Variants in SLC35F4 observed in about 807,000 individuals in gnomAD.
The protein encoded by SLC35F4 is solute carrier family 35 member F4, also known as chromosome 14 open reading frame 36.
Under a neutral mutation model 44.2 loss-of-function variants are expected in SLC35F4, and 24 were observed. The observed-to-expected ratio is 0.54, with a 90% CI of 0.39 to 0.76. The LOEUF (loss-of-function observed/expected upper bound fraction) is 0.76. Ranked by LOEUF, SLC35F4 falls within the 30% of genes least tolerant of loss-of-function variation. SLC35F4 has a pLI of 0.00. For missense variants in SLC35F4, 562 were observed against 586.1 expected (o/e 0.96, Z 0.42); for synonymous variants, 238 against 223.6 (o/e 1.06, Z -0.57).
intron 3 of SLC35F4, among the ~76,000 whole-genome samples, chr14:57,589,006 A>T (rs2069979993): frequency 6.6e-6 from 1 of 152,210 alleles, no homozygotes; most frequent in African/African-American, 2.4e-5. Context: ...TAAGTTATGC[A>T]AAAGCACCAG....
intron 1 of SLC35F4, among the ~76,000 whole-genome samples, chr14:57,598,869 G>A (rs1247916291): frequency 2.1e-5 from 3 of 143,604 alleles, no homozygotes; most frequent in East Asian, 4.0e-4. Flanking sequence ...CAATTAACAC[G>A]ATCTAGGGAA....
At chr14:57,909,829 A>G (rs1317932866) in intron 1 of SLC35F4, among the ~76,000 whole-genome samples, 1 of 152,118 alleles carries the variant, frequency 6.6e-6, no homozygotes, top group East Asian at 1.9e-4. Context: ...ATTTTGGGTA[A>G]ACACCAAGAA....
chr14:57,765,708 A>T (rs1014526343), intron 1 of SLC35F4, among the ~76,000 whole-genome samples: 2 of 152,230 alleles, frequency 1.3e-5, no homozygotes, highest in Non-Finnish European at 2.9e-5. Context: ...ATTGCCAATC[A>T]TAAATTAAAT....
chr14:57,805,557 G>C (rs1881214828), intron 1 of SLC35F4, among the ~76,000 whole-genome samples: 1 of 152,150 alleles, frequency 6.6e-6, no homozygotes, highest in South Asian at 2.1e-4. Context: ...CTTGTAAGTG[G>C]GAGCTGAATG....
intron 1 of SLC35F4, among the ~76,000 whole-genome samples, chr14:57,771,485 A>T (rs1414729772): frequency 2.0e-5 from 3 of 152,274 alleles, no homozygotes; most frequent in Non-Finnish European, 2.9e-5. Flanking sequence ...AACATAAAAA[A>T]GAAGGTTAAA....
intron 4 of SLC35F4, among the ~76,000 whole-genome samples, chr14:57,578,117 T>G (rs1212373418): frequency 6.6e-6 from 1 of 152,008 alleles, no homozygotes; most frequent in East Asian, 1.9e-4. Context: ...AAAGTGTCTT[T>G]CACTCTGTTC....
chr14:57,635,245 C>CAAA (rs201670634), intron 1 of SLC35F4, among the ~76,000 whole-genome samples: 11 of 116,028 alleles, frequency 9.5e-5, no homozygotes, highest in African/African-American at 3.5e-4. Context: ...GACTCTTACT[C>CAAA]AAAAAAAAAA....
At chr14:57,858,461 G>T (rs1328428310) in intron 1 of SLC35F4, among the ~76,000 whole-genome samples, 1 of 151,802 alleles carries the variant, frequency 6.6e-6, no homozygotes, top group Non-Finnish European at 1.5e-5. Context: ...GTTCTCACTC[G>T]TAGGTGGGAA....
At chr14:57,936,583 T>C (rs1889800571) in intron 1 of SLC35F4, among the ~76,000 whole-genome samples, 2 of 152,360 alleles carry the variant, frequency 1.3e-5, no homozygotes, top group Non-Finnish European at 2.9e-5. Context: ...GACATCTATG[T>C]GCTATTGGCA....
chr14:57,642,560 T>C lies in SLC35F4; in HGVS notation c.104-48436A>G, dbSNP rs190756538. Among the ~76,000 whole-genome samples the C allele has an allele frequency of 2.3e-3, 351 of 152,092 alleles. 2 individuals carry two copies. The highest frequency in any genetic ancestry group is 8.0e-3 in the African/African-American group (332 of 41,554). On this transcript the variant is annotated intron_variant, in intron 1 of 7. Coordinates refer to ENST00000556826, the MANE Select transcript of SLC35F4 (RefSeq NM_001306087.2). Reference sequence around the variant, plus strand: ...TATTCACATGAAACAAAACTTCTTATCTAAAAACACAAAACATCTGGACAA... The same window carrying C: ...TATTCACATGAAACAAAACTTCTTACCTAAAAACACAAAACATCTGGACAA...
chr14:57,818,038 G>T (rs1882792247), intron 1 of SLC35F4, among the ~76,000 whole-genome samples: 1 of 152,092 alleles, frequency 6.6e-6, no homozygotes, highest in Non-Finnish European at 1.5e-5. Flanking sequence ...TTGACAGTAG[G>T]CAATACTGCT....
chr14:57,973,021 A>C (rs889483641), downstream of SLC35F4, among the ~76,000 whole-genome samples: 1 of 152,190 alleles, frequency 6.6e-6, no homozygotes, highest in African/African-American at 2.4e-5. Flanking sequence ...ATAGGTACTA[A>C]TATTAAAGTC....
chr14:57,646,061 CA>C (rs1464011603), intron 1 of SLC35F4, among the ~76,000 whole-genome samples: 1 of 152,166 alleles, frequency 6.6e-6, no homozygotes, highest in Non-Finnish European at 1.5e-5. Context: ...CAATGTTCAT[CA>C]AGGATATTGG....
intron 1 of SLC35F4, among the ~76,000 whole-genome samples, chr14:57,944,682 AAAAGAAAG>A (rs1364470957): frequency 2.2e-5 from 3 of 135,860 alleles, no homozygotes; most frequent in East Asian, 2.1e-4. Flanking sequence ...AAAGAAAAAG[AAAAGAAAG>A]AAAGAAAAGA....
chr14:57,576,203 A>G (rs2068781016), intron 4 of SLC35F4, among the ~76,000 whole-genome samples: 1 of 152,276 alleles, frequency 6.6e-6, no homozygotes. Context: ...TTCTCTTCCT[A>G]CAGTGTTCCT....
chr14:57,928,872 G>C (rs1889636286), intron 1 of SLC35F4, among the ~76,000 whole-genome samples: 1 of 152,124 alleles, frequency 6.6e-6, no homozygotes, highest in South Asian at 2.1e-4. Flanking sequence ...GAACCAAATG[G>C]AAATTTTACA....
chr14:57,919,903 C>T (rs1025654574), intron 1 of SLC35F4, among the ~76,000 whole-genome samples: 1 of 152,084 alleles, frequency 6.6e-6, no homozygotes. Flanking sequence ...TTCTTTTAGA[C>T]GTGGTGATTC....
intron 1 of SLC35F4, among the ~76,000 whole-genome samples, chr14:57,646,128 C>T (rs540272538): frequency 6.6e-6 from 1 of 152,284 alleles, no homozygotes; most frequent in East Asian, 1.9e-4. Flanking sequence ...CAGGATGATG[C>T]TGGCCTCATA....
At chr14:57,939,974 C>A (rs542609372) in intron 1 of SLC35F4, among the ~76,000 whole-genome samples, 2 of 152,266 alleles carry the variant, frequency 1.3e-5, no homozygotes, top group South Asian at 4.2e-4. Flanking sequence ...CTGGATTCTG[C>A]AGTTAGGAAG....
Sources: gnomAD v4.1 joint callset for allele counts (sites outside exome capture counted in the v4.1 genomes callset) on GRCh38, gnomAD v4.1.1 for gene constraint, MANE v1.5 for transcripts, NCBI Gene and HGNC (gene_info 2026-07-23, HGNC 2026-07-21) for gene names.